The following NOS1AP variants were observed in gnomAD, a reference collection of about 807,000 sequenced individuals.
NOS1AP encodes the protein nitric oxide synthase 1 adaptor protein, also known as carboxyl-terminal PDZ ligand of neuronal nitric oxide synthase protein.
Under a neutral mutation model 56.2 loss-of-function variants are expected in NOS1AP, and 21 were observed. The ratio of observed to expected loss-of-function variants is 0.37; its 90% confidence interval spans 0.26 to 0.54. The LOEUF (loss-of-function observed/expected upper bound fraction) is 0.54. Among genes scored for constraint, NOS1AP ranks in the 20% least tolerant of loss-of-function variants. The pLI, the probability that NOS1AP is intolerant of heterozygous loss-of-function variation, is 0.84. For missense variants in NOS1AP, 522 were observed against 657.8 expected, an observed-to-expected ratio of 0.79 and a Z score of 2.26; for synonymous variants, 270 against 274.6, an observed-to-expected ratio of 0.98 and a Z score of 0.17.
chr1:162,304,450 CT>C (rs1655752122), intron 4 of NOS1AP, among the ~76,000 whole-genome samples: 1 of 152,078 alleles, frequency 6.6e-6, no homozygotes, highest in Non-Finnish European at 1.5e-5. Flanking sequence ...AGTCTTCTTT[CT>C]TTTTTAAAAA....
intron 4 of NOS1AP, among the ~76,000 whole-genome samples, chr1:162,302,091 T>G (rs552055736): frequency 6.6e-6 from 1 of 152,350 alleles, no homozygotes; most frequent in East Asian, 1.9e-4. Flanking sequence ...CAGAATGAAT[T>G]TCTGCCTCTG....
At chr1:162,286,314 G>C (rs1230949842) in intron 2 of NOS1AP, among the ~76,000 whole-genome samples, 4 of 152,212 alleles carry the variant, frequency 2.6e-5, no homozygotes, top group African/African-American at 9.6e-5. Context: ...AGAAGGTCTT[G>C]AGTATAAAAG....
chr1:162,088,305 G>A (rs111228220), intron 1 of NOS1AP, among the ~76,000 whole-genome samples: 9 of 152,238 alleles, frequency 5.9e-5, no homozygotes, highest in African/African-American at 2.2e-4. Flanking sequence ...TGCACCATAG[G>A]ATCACCTGAG....
At chr1:162,152,774 C>A (rs546737632) in intron 1 of NOS1AP, among the ~76,000 whole-genome samples, 408 of 152,304 alleles carry the variant, frequency 2.7e-3, no homozygotes, top group Non-Finnish European at 5.0e-3. Context: ...GTTTTTGAAA[C>A]CCTCCTCACT....
At chr1:162,202,125 G>T (rs1352024462) in intron 2 of NOS1AP, among the ~76,000 whole-genome samples, 1 of 152,090 alleles carries the variant, frequency 6.6e-6, no homozygotes, top group Non-Finnish European at 1.5e-5. Flanking sequence ...CTAACATTGG[G>T]AGTCGAAACT....
intron 4 of NOS1AP, among the ~76,000 whole-genome samples, chr1:162,326,997 G>T (rs866928859): frequency 6.6e-6 from 1 of 152,172 alleles, no homozygotes; most frequent in African/African-American, 2.4e-5. Flanking sequence ...TTCTTGAAAA[G>T]TATACAATAT....
intron 2 of NOS1AP, among the ~76,000 whole-genome samples, chr1:162,251,043 G>T (rs1167688823): frequency 1.3e-5 from 2 of 150,810 alleles, no homozygotes; most frequent in African/African-American, 2.5e-5. Flanking sequence ...GGTATTACCT[G>T]CTGTGCCCTC....
intron 1 of NOS1AP, among the ~76,000 whole-genome samples, chr1:162,123,131 T>C (rs1401509770): frequency 6.6e-6 from 1 of 152,236 alleles, no homozygotes; most frequent in Non-Finnish European, 1.5e-5. Flanking sequence ...GTTTTCAGTT[T>C]GTTTCCAAGC....
chr1:162,108,887 T>C (rs1647609953), intron 1 of NOS1AP, among the ~76,000 whole-genome samples: 2 of 152,148 alleles, frequency 1.3e-5, no homozygotes. Context: ...TAAACATAGA[T>C]GTATTCTCAC....
At chr1:162,191,902 C>T (rs1257269010) in intron 2 of NOS1AP, among the ~76,000 whole-genome samples, 1 of 152,036 alleles carries the variant, frequency 6.6e-6, no homozygotes, top group East Asian at 1.9e-4. Flanking sequence ...TAGATCCTGG[C>T]CTGTGGTTGG....
intron 2 of NOS1AP, among the ~76,000 whole-genome samples, chr1:162,239,085 A>C (rs1653397806): frequency 6.6e-6 from 1 of 152,260 alleles, no homozygotes; most frequent in South Asian, 2.1e-4. Context: ...AGGTATGCAC[A>C]TACTGTTTTC....
chr1:162,142,399 G>A (rs1176840618), intron 1 of NOS1AP, among the ~76,000 whole-genome samples: 1 of 152,008 alleles, frequency 6.6e-6, no homozygotes, highest in African/African-American at 2.4e-5. Flanking sequence ...TCCATAATTT[G>A]GTGTGCGTGT....
intron 1 of NOS1AP, among the ~76,000 whole-genome samples, chr1:162,126,240 T>A (rs1571037319): frequency 6.6e-6 from 1 of 152,200 alleles, no homozygotes; most frequent in East Asian, 1.9e-4. Context: ...TAGTTTAACT[T>A]CTTCTTTTCC....
chr1:162,305,345 A>G (rs1296789649), intron 4 of NOS1AP, among the ~76,000 whole-genome samples: 1 of 151,318 alleles, frequency 6.6e-6, no homozygotes, highest in African/African-American at 2.4e-5. Flanking sequence ...GAATCTGAAG[A>G]GGTTAACAAC....
chr1:162,282,568 A>G (rs984268882), intron 2 of NOS1AP, among the ~76,000 whole-genome samples: 3 of 152,188 alleles, frequency 2.0e-5, no homozygotes, highest in African/African-American at 7.2e-5. Flanking sequence ...GTCACATCAC[A>G]TAATACATGC....
intron 1 of NOS1AP, among the ~76,000 whole-genome samples, chr1:162,141,399 C>T (rs1649230136): frequency 6.6e-6 from 1 of 152,226 alleles, no homozygotes; most frequent in African/African-American, 2.4e-5. Context: ...CATAGCCTCT[C>T]TCACTTTGAT....
At chr1:162,102,543 G>T (rs910139737) in intron 1 of NOS1AP, among the ~76,000 whole-genome samples, 1 of 152,086 alleles carries the variant, frequency 6.6e-6, no homozygotes, top group Admixed American at 6.6e-5. Flanking sequence ...TGTACTTCTG[G>T]TAGAATTCAG....
intron 1 of NOS1AP, among the ~76,000 whole-genome samples, chr1:162,106,636 T>C (rs1401149657): frequency 6.6e-6 from 1 of 152,244 alleles, no homozygotes; most frequent in African/African-American, 2.4e-5. Flanking sequence ...CTTATAATAC[T>C]ATGAAAAGAT....
intron 6 of NOS1AP, among the ~76,000 whole-genome samples, chr1:162,347,780 C>T (rs1657351374): frequency 1.3e-5 from 2 of 152,154 alleles, no homozygotes; most frequent in Non-Finnish European, 2.9e-5. Flanking sequence ...CTCACTCCTC[C>T]CATGTTCCCT....
Sources: allele counts gnomAD v4.1 joint callset (sites outside exome capture counted in the v4.1 genomes callset), GRCh38; gene constraint gnomAD v4.1.1; transcripts MANE v1.5; gene names NCBI Gene and HGNC (gene_info 2026-07-23, HGNC 2026-07-21).